The following CEP70 variants were observed in gnomAD, a reference collection of about 807,000 sequenced individuals.
CEP70 encodes the protein centrosomal protein 70.
CEP70 carries 70 observed loss-of-function variants against 90.9 expected under a neutral mutation model. That is an observed-to-expected ratio of 0.77 (90% CI 0.64 to 0.94). CEP70 has a LOEUF of 0.94. Among genes scored for constraint, CEP70 ranks in the 40% least tolerant of loss-of-function variants. CEP70 has a pLI of 0.00. For missense variants in CEP70, 648 were observed against 669.0 expected, an observed-to-expected ratio of 0.97 and a Z score of 0.35; for synonymous variants, 220 against 228.3, an observed-to-expected ratio of 0.96 and a Z score of 0.33.
chr3:138,506,995 G>A (rs1311444810), intron 12 of CEP70, among the ~76,000 whole-genome samples: 2 of 151,664 alleles, frequency 1.3e-5, no homozygotes, highest in East Asian at 3.9e-4. Context: ...CTCCTGCCTC[G>A]GTCACCCAAA....
At chr3:138,567,957 G>C (rs2040901559) in intron 6 of CEP70, among the ~76,000 whole-genome samples, 1 of 152,040 alleles carries the variant, frequency 6.6e-6, no homozygotes, top group Admixed American at 6.6e-5. Flanking sequence ...TAATAGAAAT[G>C]AGGCAACCTA....
At chr3:138,568,754 GT>G (rs1338788808) in intron 6 of CEP70, among the ~76,000 whole-genome samples, 4 of 152,094 alleles carry the variant, frequency 2.6e-5, no homozygotes, top group Admixed American at 6.5e-5. Context: ...GCTGAGGCGG[GT>G]GGATCACGAA....
intron 6 of CEP70, among the ~76,000 whole-genome samples, chr3:138,561,394 A>G (rs181593261): frequency 2.5e-4 from 38 of 152,262 alleles, no homozygotes; most frequent in African/African-American, 8.2e-4. Context: ...TAAGGTCATC[A>G]ATATCAGAGA....
chr3:138,579,061 T>A (rs937830621), intron 2 of CEP70, among the ~76,000 whole-genome samples: 2 of 152,140 alleles, frequency 1.3e-5, no homozygotes, highest in South Asian at 2.1e-4. Flanking sequence ...AGAGAGAGAA[T>A]CTGTGCACTT....
At chr3:138,497,641 T>C (rs2034067548) in intron 17 of CEP70, 1 of 963,322 alleles carries the variant, frequency 1.0e-6, no homozygotes, top group East Asian at 1.1e-4. Flanking sequence ...GGAAATATTA[T>C]TTGTATATTT....
At chr3:138,504,427 A>T (rs939295689) in intron 13 of CEP70, among the ~76,000 whole-genome samples, 6 of 152,162 alleles carry the variant, frequency 3.9e-5, no homozygotes, top group African/African-American at 1.4e-4. Flanking sequence ...CATCAGGAGG[A>T]TCTTGGGGAC....
chr3:138,581,764 C>G (rs1323210931), intron 2 of CEP70, among the ~76,000 whole-genome samples: 1 of 141,576 alleles, frequency 7.1e-6, no homozygotes, highest in Non-Finnish European at 1.5e-5. Flanking sequence ...AGAGGGATAA[C>G]AGAGAACTTC....
intron 11 of CEP70, among the ~76,000 whole-genome samples, chr3:138,524,134 C>T (rs2036966362): frequency 1.3e-5 from 2 of 149,642 alleles, no homozygotes; most frequent in Non-Finnish European, 3.0e-5. Context: ...AAAGGATTCC[C>T]TATTTAATAA....
chr3:138,552,069 C>T (rs999254811), intron 6 of CEP70, among the ~76,000 whole-genome samples: 2 of 152,112 alleles, frequency 1.3e-5, no homozygotes, highest in African/African-American at 4.8e-5. Context: ...AGTTAAAAAA[C>T]AGACAAACAG....
At chr3:138,575,287 C>G (rs1407430800) in intron 2 of CEP70, among the ~76,000 whole-genome samples, 6 of 152,094 alleles carry the variant, frequency 3.9e-5, no homozygotes, top group Non-Finnish European at 7.3e-5. Context: ...AACCATGGCA[C>G]GAGAACTATG....
intron 2 of CEP70, among the ~76,000 whole-genome samples, chr3:138,576,179 C>T (rs1308254840): frequency 1.3e-5 from 2 of 152,064 alleles, no homozygotes; most frequent in African/African-American, 4.8e-5. Flanking sequence ...GAGTCAAGAC[C>T]CATCAGTGTG....
At chr3:138,556,325 C>G (rs767833209) in intron 6 of CEP70, among the ~76,000 whole-genome samples, 1 of 151,978 alleles carries the variant, frequency 6.6e-6, no homozygotes, top group Non-Finnish European at 1.5e-5. Context: ...GTCAGGAGAT[C>G]AAGACCATCC....
chr3:138,588,609 C>T (rs1298204501), intron 2 of CEP70, among the ~76,000 whole-genome samples: 1 of 152,320 alleles, frequency 6.6e-6, no homozygotes, highest in South Asian at 2.1e-4. Flanking sequence ...TGTGAGGGAA[C>T]TAGAACTCTC....
chr3:138,581,897 C>A (rs1343318129), intron 2 of CEP70, among the ~76,000 whole-genome samples: 1 of 151,896 alleles, frequency 6.6e-6, no homozygotes, highest in South Asian at 2.1e-4. Context: ...AAAAAAAATT[C>A]TGTAAGCAGA....
At chr3:138,518,287 T>A (rs530819701) in intron 11 of CEP70, among the ~76,000 whole-genome samples, 113 of 152,238 alleles carry the variant, frequency 7.4e-4, no homozygotes, top group South Asian at 2.1e-3. Context: ...GGCAGCAGAA[T>A]CCTCTGCAGA....
intron 2 of CEP70, among the ~76,000 whole-genome samples, chr3:138,581,007 G>C (rs917391266): frequency 6.6e-6 from 1 of 151,954 alleles, no homozygotes; most frequent in Non-Finnish European, 1.5e-5. Flanking sequence ...AAAACAGGCC[G>C]GGCATGGTGG....
chr3:138,536,616 T>G (rs911042701), intron 7 of CEP70, among the ~76,000 whole-genome samples: 6 of 152,010 alleles, frequency 3.9e-5, no homozygotes, highest in African/African-American at 1.4e-4. Flanking sequence ...TTGAAACTAT[T>G]TTTATGTATT....
Position 138,496,979 on chromosome 3 carries a change from T to C in CEP70, c.1732+1052A>G, listed in dbSNP as rs551196613. 13 of 993,004 alleles carry C rather than the reference T, an allele frequency of 1.3e-5. No homozygotes were observed. The East Asian group carries it at 3.3e-4, about 25-fold the overall frequency. 61.5% of individuals were successfully genotyped at this position (993,004 alleles called of 1,614,324 possible). On this transcript the variant is annotated intron_variant, in intron 17 of 17. Coordinates refer to ENST00000264982, the MANE Select transcript of CEP70 (RefSeq NM_024491.4). ...ATGAGAACATCACTGCTTAAGTTAA[T>C]AGCAATCCCAAAGCAAGAATCATAT...
intron 6 of CEP70, among the ~76,000 whole-genome samples, chr3:138,554,820 G>A (rs1047563808): frequency 1.4e-4 from 21 of 152,242 alleles, no homozygotes; most frequent in African/African-American, 2.2e-4. Context: ...GTCCTTTGTC[G>A]GATGTATAGA....
Sources: allele counts gnomAD v4.1 joint callset (sites outside exome capture counted in the v4.1 genomes callset), GRCh38; gene constraint gnomAD v4.1.1; transcripts MANE v1.5; gene names NCBI Gene and HGNC (gene_info 2026-07-23, HGNC 2026-07-21).